LIMCH1: variants seen among roughly 807,000 people sequenced by gnomAD.
LIMCH1 encodes LIM and calponin homology domains-containing protein 1.
Under a neutral mutation model 176.5 loss-of-function variants are expected in LIMCH1, and 113 were observed. The observed-to-expected ratio is 0.64, with a 90% CI of 0.55 to 0.75. LIMCH1 has a LOEUF of 0.75. Ranked by LOEUF, LIMCH1 falls within the 30% of genes least tolerant of loss-of-function variation. The probability of loss-of-function intolerance (pLI) is 0.00; values close to 1 mark genes in which losing one functional copy is unlikely to be tolerated. For synonymous variants in LIMCH1, 619 were observed against 645.9 expected, an observed-to-expected ratio of 0.96 and a Z score of 0.63; for missense variants, 1,674 against 1,814.9, an observed-to-expected ratio of 0.92 and a Z score of 1.41.
upstream of LIMCH1, among the ~76,000 whole-genome samples, chr4:41,360,026 G>GGTGT (rs35179191): frequency 0.051 from 7,388 of 145,804 alleles, 376 homozygotes; most frequent in African/African-American, 0.14. The surrounding 1 kb of genome is among the most constrained non-coding windows in gnomAD (Gnocchi z 4.5). Flanking sequence ...GGGTGTGTAG[G>GGTGT]GTGTGTGTGT....
At chr4:41,544,228 A>C (rs1445998843) in intron 1 of LIMCH1, among the ~76,000 whole-genome samples, 1 of 152,202 alleles carries the variant, frequency 6.6e-6, no homozygotes, top group Non-Finnish European at 1.5e-5. Context: ...AGAGCTGTTG[A>C]AAGAGTTTAA....
intron 28 of LIMCH1, among the ~76,000 whole-genome samples, chr4:41,686,775 T>C (rs1721112196): frequency 6.6e-6 from 1 of 152,216 alleles, no homozygotes; most frequent in South Asian, 2.1e-4. Flanking sequence ...AAAATATTTA[T>C]TGTCTTATTT....
chr4:41,675,715 G>A (rs1018047237), intron 22 of LIMCH1, among the ~76,000 whole-genome samples: 1 of 150,440 alleles, frequency 6.6e-6, no homozygotes, highest in Non-Finnish European at 1.5e-5. Context: ...CACCTGCTTC[G>A]GTTCATGGAT....
At chr4:41,693,624 C>T (rs1461942217) in intron 31 of LIMCH1, among the ~76,000 whole-genome samples, 3 of 151,008 alleles carry the variant, frequency 2.0e-5, no homozygotes, top group African/African-American at 4.9e-5. Flanking sequence ...ATATATAGTA[C>T]ATGTATAATA....
intron 2 of LIMCH1, among the ~76,000 whole-genome samples, chr4:41,502,346 T>C (rs2073451647): frequency 6.6e-6 from 1 of 152,218 alleles, no homozygotes; most frequent in Non-Finnish European, 1.5e-5. Flanking sequence ...TTCTTCGCTA[T>C]TGTGAATAGT....
At chr4:41,399,635 A>G (rs74466465) in intron 1 of LIMCH1, among the ~76,000 whole-genome samples, 15,836 of 150,270 alleles carry the variant, frequency 0.11, 924 homozygotes, top group African/African-American at 0.16. Flanking sequence ...AGGACTTTAT[A>G]TATATTACTC....
At chr4:41,611,422 G>A (rs892273305) in intron 4 of LIMCH1, among the ~76,000 whole-genome samples, 1 of 152,180 alleles carries the variant, frequency 6.6e-6, no homozygotes, top group African/African-American at 2.4e-5. Flanking sequence ...ATTTAGCTGA[G>A]GATCATAATC....
chr4:41,691,520 G>A (rs1725634506), intron 30 of LIMCH1, among the ~76,000 whole-genome samples: 1 of 150,564 alleles, frequency 6.6e-6, no homozygotes, highest in Non-Finnish European at 1.5e-5. Flanking sequence ...GCCAAGGTGG[G>A]CAGATAACCT....
At chr4:41,555,419 C>T (rs750919512) in intron 1 of LIMCH1, among the ~76,000 whole-genome samples, 5 of 152,178 alleles carry the variant, frequency 3.3e-5, no homozygotes, top group Non-Finnish European at 7.3e-5. Context: ...TCTAAGGACA[C>T]TTGGTTAGCA....
At chr4:41,575,477 A>C (rs559817453) in intron 1 of LIMCH1, among the ~76,000 whole-genome samples, 37 of 152,302 alleles carry the variant, frequency 2.4e-4, no homozygotes, top group Admixed American at 1.2e-3. Flanking sequence ...TGCGGATATG[A>C]CATTCTTTAG....
intron 1 of LIMCH1, among the ~76,000 whole-genome samples, chr4:41,491,902 A>G (rs13148027): frequency 0.32 from 38,836 of 120,174 alleles, 5,263 homozygotes; most frequent in Middle Eastern, 0.45. Context: ...GGGCAGAGGC[A>G]CTCCTCACGT....
chr4:41,485,898 G>A lies in LIMCH1; in HGVS notation c.97-8638G>A, dbSNP rs2069445932. Among the ~76,000 whole-genome samples, 3 of 152,118 alleles carry A rather than the reference G, an allele frequency of 2.0e-5. No homozygotes were observed. The South Asian group carries it at 6.2e-4, about 32-fold the overall frequency. On this transcript the variant is annotated intron_variant, in intron 1 of 26. Transcript: ENST00000313860. ...TGTAGGTGTAAGATGACAGTGGCTT[G>A]GAAAAAGACAATAGAATGCAGGCAG... is the stretch of plus-strand genomic sequence containing the variant.
intron 5 of LIMCH1, among the ~76,000 whole-genome samples, chr4:41,617,595 A>G (rs557599787): frequency 6.6e-6 from 1 of 152,356 alleles, no homozygotes; most frequent in Admixed American, 6.5e-5. Context: ...CTAATAAGTA[A>G]TGAAATGGTC....
At chr4:41,381,704 C>A (rs139357202) in intron 1 of LIMCH1, among the ~76,000 whole-genome samples, 22 of 152,266 alleles carry the variant, frequency 1.4e-4, no homozygotes, top group Admixed American at 3.9e-4. Context: ...CCTCTGTCAT[C>A]GCTGTGACAA....
In LIMCH1 at chr4:41,387,700, A is replaced by C. The variant is rs188900941; in HGVS notation, c.96+26764A>C. ...CAAATCCACACCAGTTTAGTGAAAG[A>C]GATATACTCATGTTCAGTGATGCAC... On this transcript the variant is annotated intron_variant, in intron 1 of 26. Coordinates refer to the LIMCH1 transcript ENST00000313860. Among the ~76,000 whole-genome samples, 104 of 152,380 alleles carry C rather than the reference A, an allele frequency of 6.8e-4. 1 individual carries two copies. Among genetic ancestry groups the C allele is most frequent in the African/African-American group, 2.4e-3 (100 of 41,590 alleles).
chr4:41,611,726 A>T (rs372629855), intron 4 of LIMCH1, among the ~76,000 whole-genome samples: 6 of 152,372 alleles, frequency 3.9e-5, no homozygotes, highest in African/African-American at 1.4e-4. Context: ...TGCAAAAAAC[A>T]TCAAGTGTAG....
chr4:41,454,133 C>G (rs1373867645), intron 1 of LIMCH1, among the ~76,000 whole-genome samples: 1 of 152,114 alleles, frequency 6.6e-6, no homozygotes, highest in Non-Finnish European at 1.5e-5. Flanking sequence ...CACATTCTCT[C>G]CCGTAAGTGC....
chr4:41,430,060 G>C (rs2061458469), intron 1 of LIMCH1, among the ~76,000 whole-genome samples: 1 of 152,140 alleles, frequency 6.6e-6, no homozygotes, highest in Non-Finnish European at 1.5e-5. Context: ...GAAATATTTG[G>C]TGAACAGCAC....
intron 2 of LIMCH1, among the ~76,000 whole-genome samples, chr4:41,518,605 T>C (rs1423421448): frequency 6.6e-6 from 1 of 152,204 alleles, no homozygotes; most frequent in African/African-American, 2.4e-5. Flanking sequence ...CTGAGATACA[T>C]GTGCAGAACG....
Sources: gnomAD v4.1 joint callset for allele counts (sites outside exome capture counted in the v4.1 genomes callset) on GRCh38, gnomAD v4.1.1 for gene constraint, Gnocchi (gnomAD v3.1) non-coding constraint, MANE v1.5 for transcripts, NCBI Gene and HGNC (gene_info 2026-07-23, HGNC 2026-07-21) for gene names.